ZFHX3: variants seen among roughly 807,000 people sequenced by gnomAD.
ZFHX3 encodes the protein zinc finger homeobox 3, also known as zinc finger homeobox protein 3.
In ZFHX3, 42 loss-of-function variants were observed where a neutral mutation model predicts 279.1. That is an observed-to-expected ratio of 0.15 (90% CI 0.12 to 0.19). The LOEUF (loss-of-function observed/expected upper bound fraction) is 0.19, where lower values mean the gene tolerates loss of function less well. Among genes scored for constraint, ZFHX3 ranks in the 10% least tolerant of loss-of-function variants. The pLI, the probability that ZFHX3 is intolerant of heterozygous loss-of-function variation, is 1.00. For synonymous variants in ZFHX3, 2,293 were observed against 1,957.8 expected, an observed-to-expected ratio of 1.17 and a Z score of -4.52; for missense variants, 4,981 against 4,754.0, an observed-to-expected ratio of 1.05 and a Z score of -1.40.
At chr16:73,058,818 G>C (rs1233498668) in exon 1 of ZFHX3, 1 of 163,440 alleles carries the variant, frequency 6.1e-6, no homozygotes, top group African/African-American at 2.5e-5. Context: ...GAGCAGCATG[G>C]TTGGCGGGGA....
chr16:73,838,725 T>A (rs1175049242), intron 1 of ZFHX3, among the ~76,000 whole-genome samples: 1 of 151,692 alleles, frequency 6.6e-6, no homozygotes, highest in Non-Finnish European at 1.5e-5. Flanking sequence ...GCAAGTCAAC[T>A]GCTACTGTGT....
chr16:73,659,839 G>T (rs1424652959), intron 2 of ZFHX3, among the ~76,000 whole-genome samples: 1 of 152,042 alleles, frequency 6.6e-6, no homozygotes. Flanking sequence ...AGCAGCAAGT[G>T]GGTCTGTTGA....
At chr16:73,679,252 C>T (rs2052986116) in intron 2 of ZFHX3, among the ~76,000 whole-genome samples, 1 of 152,048 alleles carries the variant, frequency 6.6e-6, no homozygotes, top group African/African-American at 2.4e-5. Context: ...CCACTGTACC[C>T]AAGTCCCTGC....
At chr16:73,766,568 T>TC (rs1278559133) in intron 1 of ZFHX3, among the ~76,000 whole-genome samples, 1 of 152,186 alleles carries the variant, frequency 6.6e-6, no homozygotes, top group Admixed American at 6.5e-5. Context: ...AAGAAGAAAC[T>TC]TAGAAAACGA....
intron 4 of ZFHX3, among the ~76,000 whole-genome samples, chr16:73,297,759 G>C (rs2014951424): frequency 6.6e-6 from 1 of 152,004 alleles, no homozygotes; most frequent in Non-Finnish European, 1.5e-5. Context: ...GCAAGTTATA[G>C]AACCTCTCTG....
At chr16:73,090,639 C>T (rs148224913) in intron 8 of ZFHX3, among the ~76,000 whole-genome samples, 2,783 of 151,756 alleles carry the variant, frequency 0.018, 150 homozygotes, top group Admixed American at 0.11. Flanking sequence ...GTAATCCCAG[C>T]ACTTTGGGAG....
intron 2 of ZFHX3, among the ~76,000 whole-genome samples, chr16:73,634,355 G>C (rs1192697772): frequency 6.6e-6 from 1 of 150,490 alleles, no homozygotes; most frequent in African/African-American, 2.4e-5. Flanking sequence ...TGAAATTTAA[G>C]AGAGGAGTTT....
At chr16:73,669,983 G>C (rs2052885563) in intron 2 of ZFHX3, among the ~76,000 whole-genome samples, 1 of 152,174 alleles carries the variant, frequency 6.6e-6, no homozygotes, top group Non-Finnish European at 1.5e-5. Context: ...AGCTTAATAA[G>C]TTTTATCGAA....
rs1403466588 is a variant in ZFHX3 at position 73,623,675 on chromosome 16, TAG to T, written c.-1547+56503_-1547+56504del. 2.0e-5 allele frequency among the ~76,000 whole-genome samples: 3 copies of T among 152,338 alleles called. No homozygotes were observed. The East Asian group carries it at 5.8e-4, about 29-fold the overall frequency. ...AAATCGTGAAATATTTTTTTAAATG[TAG>T]ATGCTTTGTCTGACGTGTTGGTTTA... On this transcript the variant is annotated intron_variant, in intron 2 of 17. Transcript: ENST00000641206.
chr16:73,180,576 T>C (rs1597206686), intron 5 of ZFHX3, among the ~76,000 whole-genome samples: 1 of 152,176 alleles, frequency 6.6e-6, no homozygotes, highest in East Asian at 1.9e-4. Context: ...CTCTCTGGGG[T>C]GCTCATGTTG....
intron 1 of ZFHX3, among the ~76,000 whole-genome samples, chr16:73,057,335 C>A (rs1355478996): frequency 1.3e-5 from 2 of 152,134 alleles, no homozygotes; most frequent in Admixed American, 1.3e-4. Context: ...TACAAGAACC[C>A]TCCGAGTACT....
intron 5 of ZFHX3, among the ~76,000 whole-genome samples, chr16:72,820,173 A>C (rs1395835136): frequency 1.3e-5 from 2 of 152,156 alleles, no homozygotes; most frequent in Non-Finnish European, 2.9e-5. Context: ...TGCAGGAAGC[A>C]GCCTCTCTGG....
intron 2 of ZFHX3, among the ~76,000 whole-genome samples, chr16:73,500,708 A>C (rs1044152191): frequency 9.3e-5 from 13 of 139,248 alleles, no homozygotes; most frequent in Admixed American, 2.2e-4. Flanking sequence ...AAAAAAAAAA[A>C]ACCTCACAGA....
intron 3 of ZFHX3, among the ~76,000 whole-genome samples, chr16:73,353,994 C>G (rs2016292638): frequency 6.6e-6 from 1 of 152,104 alleles, no homozygotes; most frequent in Non-Finnish European, 1.5e-5. Context: ...CTACAAATCT[C>G]ACTCGGAGAG....
intron 5 of ZFHX3, chr16:73,143,954 T>C (rs1341675664): frequency 5.1e-6 from 2 of 393,414 alleles, no homozygotes; most frequent in African/African-American, 4.2e-5. Flanking sequence ...ATAAGATTTC[T>C]TTCTAGGGTG....
intron 7 of ZFHX3, among the ~76,000 whole-genome samples, chr16:73,100,958 A>G (rs1485407361): frequency 2.6e-5 from 4 of 152,158 alleles, no homozygotes; most frequent in South Asian, 2.1e-4. Flanking sequence ...AGGGACCCCC[A>G]GCACCTGACT....
At chr16:72,988,562 G>T (rs1962943231) in intron 1 of ZFHX3, among the ~76,000 whole-genome samples, 1 of 152,172 alleles carries the variant, frequency 6.6e-6, no homozygotes, top group Non-Finnish European at 1.5e-5. Context: ...AAATAACGCG[G>T]ATTTCTGGAT....
intron 1 of ZFHX3, among the ~76,000 whole-genome samples, chr16:72,995,062 C>T (rs1963233579): frequency 6.6e-6 from 1 of 152,230 alleles, no homozygotes; most frequent in Non-Finnish European, 1.5e-5. Context: ...CAATGCTGCA[C>T]TCCAATCACC....
intron 2 of ZFHX3, among the ~76,000 whole-genome samples, chr16:73,548,731 T>A (rs1307715973): frequency 6.6e-6 from 1 of 151,990 alleles, no homozygotes; most frequent in Non-Finnish European, 1.5e-5. Flanking sequence ...ATAAAAAAAA[T>A]TAATAAAGCC....
Sources: gnomAD v4.1 joint callset for allele counts (sites outside exome capture counted in the v4.1 genomes callset) on GRCh38, gnomAD v4.1.1 for gene constraint, MANE v1.5 for transcripts, NCBI Gene and HGNC (gene_info 2026-07-23, HGNC 2026-07-21) for gene names.